Variants in NWD1 observed in about 807,000 individuals in gnomAD.
NWD1 encodes NACHT and WD repeat domain containing 1.
Under a neutral mutation model 135.1 loss-of-function variants are expected in NWD1, and 129 were observed. That is an observed-to-expected ratio of 0.96 (90% CI 0.83 to 1.11). NWD1 has a LOEUF of 1.11. NWD1 is among the 50% of genes least tolerant of loss of function. NWD1 has a pLI of 0.00. For synonymous variants in NWD1, 773 were observed against 786.0 expected (o/e 0.98, Z 0.28); for missense variants, 1,740 against 1,851.3 (o/e 0.94, Z 1.10).
intron 8 of NWD1, among the ~76,000 whole-genome samples, chr19:16,762,972 C>T (rs918327856): frequency 6.6e-6 from 1 of 151,962 alleles, no homozygotes; most frequent in South Asian, 2.1e-4. Flanking sequence ...TTAGTAGAGA[C>T]GGGGTTTTGC....
chr19:16,780,378 A>G (rs946143815), intron 12 of NWD1, among the ~76,000 whole-genome samples: 8 of 152,048 alleles, frequency 5.3e-5, no homozygotes, highest in Admixed American at 1.3e-4. Context: ...GGATGGTCTC[A>G]ATCTCCTGAC....
chr19:16,805,014 T>C (rs1970709729), intron 17 of NWD1, among the ~76,000 whole-genome samples: 1 of 150,872 alleles, frequency 6.6e-6, no homozygotes, highest in Admixed American at 6.6e-5. Flanking sequence ...TTTTTAAAAA[T>C]ATTTATTTAT....
intron 12 of NWD1, among the ~76,000 whole-genome samples, chr19:16,783,411 G>C (rs1969928722): frequency 1.3e-5 from 2 of 152,036 alleles, no homozygotes. Flanking sequence ...GAGGTGGGTG[G>C]ATCACCTGAG....
rs992187623 is a variant in NWD1, at chr19:16,816,329, G to A, written c.*1290G>A. On this transcript the variant is annotated 3_prime_UTR_variant, in exon 19 of 19. Coordinates refer to ENST00000524140, the MANE Select transcript of NWD1 (RefSeq NM_001007525.5). ...AAATGTTCTGACTTTTAAAGTTGGC[G>A]ATTGGTTGAATTTATATCTATAGTG... 7 of 152,316 alleles carry A rather than the reference G, an allele frequency of 4.6e-5. No individual in the cohort carries two copies. Among genetic ancestry groups the A allele is most frequent in the East Asian group, 1.9e-4 (1 of 5,186 alleles). 9.4% of individuals were successfully genotyped at this position (152,316 alleles called of 1,614,324 possible).
At position 16,765,268 on chromosome 19, in the gene NWD1, A is replaced by G. The variant is rs896055707; in HGVS notation, c.2410+76A>G. The G allele has an allele frequency of 1.7e-5, 24 of 1,379,614 alleles. No individual in the cohort carries two copies. The Admixed American group carries it at 4.3e-4, about 25-fold the overall frequency. The allele number at this position is 1,379,614 out of a possible 1,614,324, so 85.5% of individuals were successfully genotyped here. A position where few individuals can be genotyped will look rare whatever the true frequency, so the allele number is the denominator to read the frequency against. The stretch of plus-strand genomic sequence containing the variant: ...AGAAACATGCTCTCCTCATTGAGTC[A>G]TGAGCTGGATTTTCATCAATTCTCA... On this transcript the variant is annotated intron_variant, in intron 10 of 18. Transcript: ENST00000524140.
chr19:16,789,618 T>C (rs1970172069), intron 13 of NWD1, among the ~76,000 whole-genome samples: 1 of 152,120 alleles, frequency 6.6e-6, no homozygotes, highest in Admixed American at 6.6e-5. Flanking sequence ...GATAGGGTCC[T>C]GTTCTGTATT....
intron 18 of NWD1, among the ~76,000 whole-genome samples, chr19:16,811,641 T>C (rs1271164950): frequency 6.6e-6 from 1 of 150,780 alleles, no homozygotes; most frequent in Non-Finnish European, 1.5e-5. Context: ...AAAAAAGAAA[T>C]TGAGTCCTAC....
At chr19:16,735,850 GA>G (rs375260890) in intron 3 of NWD1, among the ~76,000 whole-genome samples, 68 of 34,596 alleles carry the variant, frequency 2.0e-3, no homozygotes, top group African/African-American at 7.5e-3. Flanking sequence ...AGGAAGGAAG[GA>G]AGGAAGGAAG....
intron 4 of NWD1, among the ~76,000 whole-genome samples, chr19:16,741,752 A>G (rs1433572295): frequency 3.3e-5 from 5 of 151,966 alleles, no homozygotes; most frequent in African/African-American, 1.2e-4. Context: ...CTTTCTTCCT[A>G]GCACTCTAAC....
chr19:16,769,325 G>A (rs900536593), intron 10 of NWD1, among the ~76,000 whole-genome samples: 3 of 152,108 alleles, frequency 2.0e-5, no homozygotes, highest in African/African-American at 2.4e-5. Flanking sequence ...AGCCAGGCAC[G>A]GTAGCACGCA....
chr19:16,723,257 G>A (rs1043116348), intron 1 of NWD1, among the ~76,000 whole-genome samples: 1 of 152,072 alleles, frequency 6.6e-6, no homozygotes, highest in Non-Finnish European at 1.5e-5. Context: ...GGGGTACAGT[G>A]TTGCGATCTT....
At chr19:16,759,468 G>A (rs1314811964) in intron 7 of NWD1, 40 bp downstream of exon 7, 1 of 1,469,382 alleles carries the variant, frequency 6.8e-7, no homozygotes, top group Non-Finnish European at 9.2e-7. Flanking sequence ...TGTCTGGGTG[G>A]GACCCCAAGA....
chr19:16,760,076 G>T, intron 7 of NWD1, among the ~76,000 whole-genome samples: 1 of 151,914 alleles, frequency 6.6e-6, no homozygotes, highest in Non-Finnish European at 1.5e-5. Flanking sequence ...GATCACTTGA[G>T]CCCAGGAGTT....
At chr19:16,794,421 A>T in intron 14 of NWD1, 42 bp from the exon 15 acceptor site, 1 of 1,158,634 alleles carries the variant, frequency 8.6e-7, no homozygotes, top group African/African-American at 1.5e-5. Context: ...TGTAACCCTT[A>T]ACCCGTGGAA....
At chr19:16,730,262 C>A (rs1050013348) in intron 2 of NWD1, among the ~76,000 whole-genome samples, 2 of 151,894 alleles carry the variant, frequency 1.3e-5, no homozygotes, top group African/African-American at 4.8e-5. Context: ...GCAGAGGTTG[C>A]AGTGAGCTGA....
chr19:16,746,041 CT>C, intron 5 of NWD1, among the ~76,000 whole-genome samples: 1 of 152,242 alleles, frequency 6.6e-6, no homozygotes, highest in Non-Finnish European at 1.5e-5. Flanking sequence ...CAAAACGTAA[CT>C]ACTAATAGCC....
chr19:16,789,049 G>T lies in NWD1; in HGVS notation c.2799G>T (p.Thr933=). 1.2e-6 allele frequency: 2 copies of T among 1,613,218 alleles called. No homozygotes were observed. The highest frequency in any genetic ancestry group is 2.2e-5 in the South Asian group (2 of 91,026). ...CCAACTCTGCTTCAAAGGATTACAC[G>T]CTGCACTTGTGGAACTTACTCTCTG... ...TLANSASKDY[T]LHLWNLLSGQ... is the part of the protein sequence containing the mutation. Residue 933 remains threonine (T), a synonymous_variant, in exon 13 of 19, where the codon ACG becomes ACT. Coordinates refer to ENST00000524140, the MANE Select transcript of NWD1 (RefSeq NM_001007525.5).
At chr19:16,782,140 A>C (rs997997157) in intron 12 of NWD1, among the ~76,000 whole-genome samples, 1 of 150,690 alleles carries the variant, frequency 6.6e-6, no homozygotes, top group Non-Finnish European at 1.5e-5. Context: ...TAACCCTTTT[A>C]TGTAATTAAG....
intron 3 of NWD1, among the ~76,000 whole-genome samples, chr19:16,731,533 TTGAC>T (rs1967566938): frequency 6.6e-6 from 1 of 151,548 alleles, no homozygotes; most frequent in Non-Finnish European, 1.5e-5. Flanking sequence ...TCTTGATCTC[TTGAC>T]CTTGTGATCT....
Sources: gnomAD v4.1 joint callset for allele counts (sites outside exome capture counted in the v4.1 genomes callset) on GRCh38, gnomAD v4.1.1 for gene constraint, MANE v1.5 for transcripts, NCBI Gene and HGNC (gene_info 2026-07-23, HGNC 2026-07-21) for gene names.